SNRPN: variants seen among roughly 807,000 people sequenced by gnomAD.
The protein encoded by SNRPN is small nuclear ribonucleoprotein polypeptide N, also known as small nuclear ribonucleoprotein-associated protein N.
In SNRPN, 7 loss-of-function variants were observed where a neutral mutation model predicts 25.2. That is an observed-to-expected ratio of 0.28 (90% CI 0.16 to 0.52). The LOEUF is 0.52. Ranked by LOEUF, SNRPN falls within the 20% of genes least tolerant of loss-of-function variation. SNRPN has a pLI of 0.96. For missense variants in SNRPN, 196 were observed against 322.5 expected (o/e 0.61, Z 3.00); for synonymous variants, 124 against 110.6 (o/e 1.12, Z -0.76).
At chr15:24,859,372 A>T (rs1319531219) in intron 1 of SNRPN, among the ~76,000 whole-genome samples, 1 of 152,184 alleles carries the variant, frequency 6.6e-6, no homozygotes, top group African/African-American at 2.4e-5. Context: ...AATGCCAACA[A>T]GATTGTATTC....
intron 1 of SNRPN, among the ~76,000 whole-genome samples, chr15:24,825,701 A>G (rs1312684939): frequency 6.6e-6 from 1 of 152,110 alleles, no homozygotes; most frequent in Non-Finnish European, 1.5e-5. Context: ...ATTTGCCTAC[A>G]TTTGTACAAA....
At chr15:24,885,831 T>C (rs148517846) in intron 1 of SNRPN, among the ~76,000 whole-genome samples, 122 of 152,152 alleles carry the variant, frequency 8.0e-4, no homozygotes, top group Non-Finnish European at 2.2e-4. Flanking sequence ...TATCAGGATA[T>C]AAAACACACT....
intron 2 of SNRPN, among the ~76,000 whole-genome samples, chr15:24,838,066 G>A (rs1460463009): frequency 1.4e-5 from 2 of 140,186 alleles, no homozygotes; most frequent in African/African-American, 2.7e-5. Flanking sequence ...ACGGAGTCTC[G>A]CTCTGTCGCC....
chr15:24,960,536 C>T (rs1262695832), intron 1 of SNRPN, among the ~76,000 whole-genome samples: 1 of 152,066 alleles, frequency 6.6e-6, no homozygotes, highest in African/African-American at 2.4e-5. Flanking sequence ...AGATGTTGCC[C>T]AAGCTGGTCT....
At chr15:24,949,783 A>T (rs773668892) in intron 3 of SNRPN, among the ~76,000 whole-genome samples, 8 of 151,638 alleles carry the variant, frequency 5.3e-5, no homozygotes, top group Non-Finnish European at 1.2e-4. Flanking sequence ...TAGCAGAATG[A>T]TATTCCATTG....
chr15:24,929,933 A>G lies in SNRPN; in HGVS notation c.-391+9809A>G, dbSNP rs2060687797. Among the ~76,000 whole-genome samples the G allele has an allele frequency of 1.3e-5, 2 of 152,076 alleles. No homozygotes were observed. The highest frequency in any genetic ancestry group is 2.4e-5 in the African/African-American group (1 of 41,422). The stretch of plus-strand genomic sequence containing the variant: ...CCAGGCACGGTGGCTCACACCTATA[A>G]TCCCAGCACTTTGGGAGGCCAAGGC... On this transcript the variant is annotated intron_variant, in intron 3 of 11. Transcript: ENST00000400097. This position sits in a 1 kb window ranked among gnomAD's most constrained non-coding sequence, Gnocchi z 5.3.
chr15:24,910,832 A>C (rs771737717), intron 2 of SNRPN: 49 of 551,940 alleles, frequency 8.9e-5, no homozygotes, highest in Non-Finnish European at 1.4e-4. Flanking sequence ...AAATGTGTTT[A>C]TTGAGATGGT....
intron 1 of SNRPN, among the ~76,000 whole-genome samples, chr15:24,866,694 C>T (rs2054602088): frequency 6.6e-6 from 1 of 152,182 alleles, no homozygotes; most frequent in African/African-American, 2.4e-5. Context: ...TGCCCAACCC[C>T]ACCCTCAACC....
chr15:24,865,739 T>G (rs1209576908), intron 1 of SNRPN, among the ~76,000 whole-genome samples: 1 of 150,606 alleles, frequency 6.6e-6, no homozygotes, highest in Admixed American at 6.6e-5. Flanking sequence ...TTTGATATCT[T>G]ATTGCCACCA....
At chr15:24,956,264 AC>A (rs1263566296) in intron 1 of SNRPN, among the ~76,000 whole-genome samples, 2 of 148,446 alleles carry the variant, frequency 1.3e-5, no homozygotes, top group Admixed American at 6.9e-5. Context: ...TGTCGAAATA[AC>A]CTGGGGGTCT....
chr15:24,927,153 G>A lies in SNRPN; in HGVS notation c.-391+7029G>A, dbSNP rs1226677919. On this transcript the variant is annotated intron_variant, in intron 3 of 11. Coordinates refer to the SNRPN transcript ENST00000400097. ...CTTTTTTTTTGGAGACATGATCTTG[G>A]TTTGTCACCCAGGCTGGGGTGCAAT... Among the ~76,000 whole-genome samples, 3 of 150,206 alleles carry A rather than the reference G, an allele frequency of 2.0e-5. No individual in the cohort carries two copies. In the East Asian group the frequency reaches 5.9e-4, roughly 29 times the overall value.
At chr15:24,970,408 A>G (rs1213151985) in intron 3 of SNRPN, among the ~76,000 whole-genome samples, 2 of 152,086 alleles carry the variant, frequency 1.3e-5, no homozygotes, top group African/African-American at 4.8e-5. Flanking sequence ...GCGAAACCCC[A>G]TCTGTTCTAA....
chr15:24,913,565 C>T (rs532967948), intron 2 of SNRPN, among the ~76,000 whole-genome samples: 1 of 152,062 alleles, frequency 6.6e-6, no homozygotes, highest in Non-Finnish European at 1.5e-5. Flanking sequence ...ATCGCTTAAA[C>T]CTGGTGGGAG....
At chr15:24,852,093 T>C (rs2052905076), upstream of SNRPN, 1 of 152,240 alleles carries the variant, frequency 6.6e-6, no homozygotes, top group Non-Finnish European at 1.5e-5. Context: ...TTAGTTTTTC[T>C]TCGTTGATCA....
chr15:24,847,379 G>A (rs1422745201), intron 2 of SNRPN, among the ~76,000 whole-genome samples: 2 of 152,202 alleles, frequency 1.3e-5, no homozygotes, highest in Non-Finnish European at 2.9e-5. Context: ...TGTGGCTCAT[G>A]CCTGTAATCC....
chr15:24,931,202 G>C (rs1427267191), intron 3 of SNRPN, among the ~76,000 whole-genome samples: 1 of 152,012 alleles, frequency 6.6e-6, no homozygotes, highest in Non-Finnish European at 1.5e-5. Flanking sequence ...TTTTTGCCTG[G>C]CACAACATTT....
intron 1 of SNRPN, among the ~76,000 whole-genome samples, chr15:24,857,486 A>G (rs548790269): frequency 5.9e-5 from 9 of 152,246 alleles, no homozygotes; most frequent in African/African-American, 2.2e-4. Flanking sequence ...GGTAGCATAT[A>G]GTTTTATAAT....
intron 1 of SNRPN, among the ~76,000 whole-genome samples, chr15:24,858,672 G>C (rs1206350417): frequency 1.3e-5 from 2 of 151,730 alleles, no homozygotes; most frequent in Non-Finnish European, 2.9e-5. Flanking sequence ...ATGCTGATAT[G>C]CACCTGTAAT....
At chr15:24,954,986 C>T (rs1446607832), upstream of SNRPN, 11 of 1,607,172 alleles carry the variant, frequency 6.8e-6, no homozygotes, top group Admixed American at 1.7e-4. Flanking sequence ...GCGAGTCTGG[C>T]GCAGAGTGGA....
Sources: gnomAD v4.1 joint callset for allele counts (sites outside exome capture counted in the v4.1 genomes callset) on GRCh38, gnomAD v4.1.1 for gene constraint, Gnocchi (gnomAD v3.1) non-coding constraint, MANE v1.5 for transcripts, NCBI Gene and HGNC (gene_info 2026-07-23, HGNC 2026-07-21) for gene names.